The following ANKRD13C variants were observed in gnomAD, a reference collection of about 807,000 sequenced individuals.
ANKRD13C encodes the protein ankyrin repeat domain 13C.
ANKRD13C carries 16 observed loss-of-function variants against 65.5 expected under a neutral mutation model. The observed-to-expected ratio is 0.24, with a 90% CI of 0.17 to 0.37. The LOEUF (loss-of-function observed/expected upper bound fraction) is 0.37, where lower values mean the gene tolerates loss of function less well. Ranked by LOEUF, ANKRD13C falls within the 10% of genes least tolerant of loss-of-function variation. The probability of loss-of-function intolerance (pLI) is 1.00; values close to 1 mark genes in which losing one functional copy is unlikely to be tolerated. For synonymous variants in ANKRD13C, 235 were observed against 238.7 expected (o/e 0.98, Z 0.14); for missense variants, 503 against 655.9 (o/e 0.77, Z 2.55).
intron 9 of ANKRD13C, among the ~76,000 whole-genome samples, chr1:70,285,588 C>T (rs189960664): frequency 6.6e-6 from 1 of 151,940 alleles, no homozygotes; most frequent in Non-Finnish European, 1.5e-5. Context: ...TCCTCTTTCA[C>T]CCCCTGTTGT....
At chr1:70,320,903 C>A (rs1433900792) in intron 3 of ANKRD13C, among the ~76,000 whole-genome samples, 1 of 151,992 alleles carries the variant, frequency 6.6e-6, no homozygotes, top group Non-Finnish European at 1.5e-5. Flanking sequence ...AATCCTCCCA[C>A]CTCAGGCTCC....
chr1:70,345,650 C>T (rs771079568), intron 1 of ANKRD13C, among the ~76,000 whole-genome samples: 3 of 151,990 alleles, frequency 2.0e-5, no homozygotes, highest in South Asian at 2.1e-4. Context: ...GCAAAAAAAC[C>T]GTATTTGGCA....
At chr1:70,339,480 G>A (rs560260086) in intron 1 of ANKRD13C, among the ~76,000 whole-genome samples, 1 of 151,226 alleles carries the variant, frequency 6.6e-6, no homozygotes, top group South Asian at 2.1e-4. Context: ...CAACATACCC[G>A]GCTAATTTTT....
intron 9 of ANKRD13C, among the ~76,000 whole-genome samples, chr1:70,289,310 G>A (rs1284254911): frequency 2.0e-5 from 3 of 151,956 alleles, no homozygotes; most frequent in Non-Finnish European, 4.4e-5. Flanking sequence ...AAATACATCC[G>A]GTTACAACCT....
At chr1:70,325,104 C>A in intron 2 of ANKRD13C, 147 bp from the exon 3 acceptor site, 1 of 493,302 alleles carries the variant, frequency 2.0e-6, no homozygotes, top group African/African-American at 2.0e-5. Context: ...TGAAAAATTT[C>A]TATGTATCTA....
chr1:70,352,438 T>C (rs1557428365), intron 1 of ANKRD13C, among the ~76,000 whole-genome samples: 1 of 151,976 alleles, frequency 6.6e-6, no homozygotes, highest in Non-Finnish European at 1.5e-5. Context: ...AATTTGAACT[T>C]AAACAAATGT....
At chr1:70,263,877 G>A (rs1016346764) in intron 12 of ANKRD13C, among the ~76,000 whole-genome samples, 1 of 152,180 alleles carries the variant, frequency 6.6e-6, no homozygotes. Context: ...TAAGGGCACA[G>A]AGTAAATTAA....
chr1:70,265,412 C>A (rs1678572746), intron 12 of ANKRD13C, among the ~76,000 whole-genome samples: 1 of 152,108 alleles, frequency 6.6e-6, no homozygotes, highest in African/African-American at 2.4e-5. Context: ...AAAGTTTCTA[C>A]TACATTTAAC....
chr1:70,279,610 A>G (rs1679296770), intron 9 of ANKRD13C, among the ~76,000 whole-genome samples: 1 of 151,572 alleles, frequency 6.6e-6, no homozygotes, highest in Non-Finnish European at 1.5e-5. Context: ...GGTTCAAGCA[A>G]TATTTCTGCC....
At chr1:70,309,969 G>A (rs1680780157) in intron 5 of ANKRD13C, among the ~76,000 whole-genome samples, 1 of 151,828 alleles carries the variant, frequency 6.6e-6, no homozygotes, top group Non-Finnish European at 1.5e-5. Flanking sequence ...CAACAGGTGG[G>A]GTAGTTAGTA....
intron 7 of ANKRD13C, among the ~76,000 whole-genome samples, chr1:70,297,939 A>G (rs1333502092): frequency 6.6e-6 from 1 of 151,676 alleles, no homozygotes; most frequent in African/African-American, 2.4e-5. Flanking sequence ...AACAAAGAAC[A>G]AACAAACAAA....
intron 4 of ANKRD13C, 66 bp from the exon 5 acceptor site, chr1:70,313,856 AT>A: frequency 1.7e-6 from 2 of 1,188,114 alleles, no homozygotes; most frequent in Non-Finnish European, 2.5e-6. Flanking sequence ...CTTTAAAAAT[AT>A]GGCTATTCCT....
chr1:70,344,897 ATT>A (rs1682462761), intron 1 of ANKRD13C, among the ~76,000 whole-genome samples: 2 of 152,058 alleles, frequency 1.3e-5, no homozygotes, highest in Non-Finnish European at 2.9e-5. Context: ...TTAATATAAA[ATT>A]TCTTATGAAA....
chr1:70,326,956 T>C (rs1268569790), intron 2 of ANKRD13C, among the ~76,000 whole-genome samples: 1 of 151,610 alleles, frequency 6.6e-6, no homozygotes, highest in Non-Finnish European at 1.5e-5. Context: ...AATGCAATGC[T>C]ACCTAATAAA....
chr1:70,276,160 T>C (rs1270809656), intron 10 of ANKRD13C, among the ~76,000 whole-genome samples: 1 of 152,112 alleles, frequency 6.6e-6, no homozygotes, highest in Non-Finnish European at 1.5e-5. Context: ...TACTTATCTA[T>C]TTATTAAAAA....
intron 9 of ANKRD13C, among the ~76,000 whole-genome samples, chr1:70,279,998 A>G (rs1679318292): frequency 6.6e-6 from 1 of 152,216 alleles, no homozygotes; most frequent in Non-Finnish European, 1.5e-5. Flanking sequence ...ATATCACACT[A>G]CAGAGACTTT....
chr1:70,276,354 G>A (rs530022769), intron 10 of ANKRD13C, among the ~76,000 whole-genome samples: 2 of 152,190 alleles, frequency 1.3e-5, no homozygotes, highest in East Asian at 3.9e-4. Context: ...GCTTGGAAAG[G>A]CAAAAAGAAG....
chr1:70,262,852 A>G lies in ANKRD13C; in HGVS notation c.1496-5T>C. On this transcript the variant is annotated splice_polypyrimidine_tract_variant and splice_region_variant and intron_variant, in intron 12 of 12. Transcript: ENST00000370944. ...TTGTGGGAAACACAGGTATATCTAC[A>G]GAGAGAACATCAATGATAGCATTGT... The G allele has an allele frequency of 6.2e-7, 1 of 1,609,008 alleles. No homozygotes were observed. Among genetic ancestry groups the G allele is most frequent in the South Asian group, 1.1e-5 (1 of 90,876 alleles).
Position 70,292,488 on chromosome 1 carries a change from C to A in ANKRD13C, c.1115G>T (p.Arg372Met). 6.2e-7 allele frequency: 1 copy of A among 1,608,680 alleles called. No homozygotes were observed. Among genetic ancestry groups the A allele is most frequent in the Non-Finnish European group, 8.5e-7 (1 of 1,178,362 alleles). Residue 372 changes from arginine to methionine, a missense_variant, in exon 9 of 13, where the codon AGG becomes ATG. Around this residue, in one of 2 missense-constraint regions of ANKRD13C, gnomAD observed 300 missense variants for 478.3 expected, o/e 0.63. Coordinates refer to ENST00000370944, the MANE Select transcript of ANKRD13C (RefSeq NM_030816.5). ...TTCACTGAGATGTTCTCTTCTTTTC[C>A]TTGATTCTAAAACAAGTCCATTCAC... The part of the protein sequence containing the change: ...YLVNGLVLES[R>M]KRREHLSEED...
Sources: allele counts gnomAD v4.1 joint callset (sites outside exome capture counted in the v4.1 genomes callset), GRCh38; gene constraint gnomAD v4.1.1; regional missense constraint gnomAD v4.1.1; transcripts MANE v1.5; gene names NCBI Gene and HGNC (gene_info 2026-07-23, HGNC 2026-07-21).